Variants in TAFA1 observed in about 807,000 individuals in gnomAD.
TAFA1 encodes TAFA chemokine like family member 1, also known as chemokine-like protein TAFA-1.
In TAFA1, 4 loss-of-function variants were observed where a neutral mutation model predicts 18.5. That is an observed-to-expected ratio of 0.22 (90% CI 0.11 to 0.49). TAFA1 has a LOEUF of 0.49. Among genes scored for constraint, TAFA1 ranks in the 20% least tolerant of loss-of-function variants. The pLI, the probability that TAFA1 is intolerant of heterozygous loss-of-function variation, is 0.98. For missense variants in TAFA1, 147 were observed against 169.0 expected (o/e 0.87, Z 0.72); for synonymous variants, 56 against 55.2 (o/e 1.01, Z -0.06).
intron 3 of TAFA1, among the ~76,000 whole-genome samples, chr3:68,459,085 C>T (rs1170786921): frequency 2.0e-5 from 3 of 152,132 alleles, no homozygotes; most frequent in African/African-American, 7.2e-5. Flanking sequence ...GGCAAAGAAG[C>T]AGCCATTCTA....
chr3:68,131,468 C>T (rs2065536387), intron 2 of TAFA1, among the ~76,000 whole-genome samples: 2 of 152,166 alleles, frequency 1.3e-5, no homozygotes, highest in African/African-American at 2.4e-5. Flanking sequence ...CTTCCTGCAT[C>T]CTTATTTTTA....
intron 2 of TAFA1, among the ~76,000 whole-genome samples, chr3:68,249,820 T>G (rs749317595): frequency 6.6e-6 from 1 of 152,168 alleles, no homozygotes; most frequent in Non-Finnish European, 1.5e-5. Flanking sequence ...TATGAAGCCC[T>G]GACAAGGAGA....
At chr3:68,188,472 A>G (rs1303434725) in intron 2 of TAFA1, among the ~76,000 whole-genome samples, 7 of 146,324 alleles carry the variant, frequency 4.8e-5, no homozygotes, top group Non-Finnish European at 1.0e-4. Context: ...TCTCTAAATT[A>G]TATATATATG....
At chr3:68,109,346 T>C (rs1402578905) in intron 2 of TAFA1, among the ~76,000 whole-genome samples, 1 of 152,148 alleles carries the variant, frequency 6.6e-6, no homozygotes, top group Non-Finnish European at 1.5e-5. Context: ...GGCATCATTG[T>C]GCGACATACT....
intron 3 of TAFA1, among the ~76,000 whole-genome samples, chr3:68,492,084 TA>T (rs1345357452): frequency 6.6e-6 from 1 of 152,218 alleles, no homozygotes; most frequent in East Asian, 1.9e-4. Context: ...GATCAGTACA[TA>T]AAAAATTAAA....
At chr3:68,261,306 C>T (rs2067416232) in intron 2 of TAFA1, among the ~76,000 whole-genome samples, 1 of 152,126 alleles carries the variant, frequency 6.6e-6, no homozygotes, top group Non-Finnish European at 1.5e-5. Flanking sequence ...AACACTTTGA[C>T]ACTGTTGGTG....
intron 2 of TAFA1, among the ~76,000 whole-genome samples, chr3:68,181,390 A>C (rs923216717): frequency 2.0e-5 from 3 of 152,136 alleles, no homozygotes; most frequent in African/African-American, 4.8e-5. Flanking sequence ...AAAAAAAAAA[A>C]AAAAACTTCC....
intron 3 of TAFA1, among the ~76,000 whole-genome samples, chr3:68,475,302 C>T (rs2072070077): frequency 6.6e-6 from 1 of 151,896 alleles, no homozygotes; most frequent in African/African-American, 2.4e-5. Context: ...AATGCTATCC[C>T]TCCCCCATCC....
chr3:68,079,141 T>A (rs1416529442), intron 2 of TAFA1, among the ~76,000 whole-genome samples: 1 of 152,228 alleles, frequency 6.6e-6, no homozygotes, highest in Non-Finnish European at 1.5e-5. Flanking sequence ...TGTATTTCTG[T>A]GGGATTGGTG....
At chr3:68,496,987 A>AG (rs2072560612) in intron 3 of TAFA1, among the ~76,000 whole-genome samples, 1 of 152,166 alleles carries the variant, frequency 6.6e-6, no homozygotes, top group South Asian at 2.1e-4. Context: ...GTAGAGAGAG[A>AG]GAGACCTTTG....
chr3:68,520,539 A>G (rs921846686), intron 3 of TAFA1, among the ~76,000 whole-genome samples: 2 of 152,214 alleles, frequency 1.3e-5, no homozygotes, highest in African/African-American at 4.8e-5. Context: ...GTTGAGTAAA[A>G]TTGAATTTGG....
At chr3:68,227,758 T>C (rs921126315) in intron 2 of TAFA1, among the ~76,000 whole-genome samples, 16 of 152,232 alleles carry the variant, frequency 1.1e-4, no homozygotes, top group African/African-American at 3.9e-4. Flanking sequence ...CTTGAATCCG[T>C]GGTGAATTCC....
At chr3:68,504,320 A>G (rs962472340) in intron 3 of TAFA1, among the ~76,000 whole-genome samples, 13 of 152,212 alleles carry the variant, frequency 8.5e-5, no homozygotes, top group Admixed American at 3.3e-4. Context: ...CTTAGCTGCC[A>G]TCCTAACATG....
At chr3:68,241,727 T>G (rs1353670135) in intron 2 of TAFA1, among the ~76,000 whole-genome samples, 5 of 152,120 alleles carry the variant, frequency 3.3e-5, no homozygotes, top group Non-Finnish European at 5.9e-5. Context: ...TGGCTATGAA[T>G]GGGCAGAGGA....
At chr3:68,405,373 C>A (rs775181543) in intron 2 of TAFA1, among the ~76,000 whole-genome samples, 1 of 151,844 alleles carries the variant, frequency 6.6e-6, no homozygotes, top group Non-Finnish European at 1.5e-5. Flanking sequence ...TCAGGCCAGG[C>A]ACAGTGGCTC....
chr3:68,280,544 C>A (rs765688509), intron 2 of TAFA1, among the ~76,000 whole-genome samples: 1 of 151,926 alleles, frequency 6.6e-6, no homozygotes, highest in East Asian at 1.9e-4. Flanking sequence ...TATAAACCAG[C>A]GGCTTCACAT....
intron 2 of TAFA1, among the ~76,000 whole-genome samples, chr3:68,119,239 T>C (rs1355512368): frequency 1.3e-5 from 2 of 152,186 alleles, no homozygotes; most frequent in East Asian, 3.8e-4. Flanking sequence ...GTTTTGTTGT[T>C]GCTGTTGTTG....
chr3:68,430,083 G>C (rs1334801579), intron 3 of TAFA1, among the ~76,000 whole-genome samples: 1 of 151,880 alleles, frequency 6.6e-6, no homozygotes. Flanking sequence ...CAGCAGGAGA[G>C]ACAGACCATG....
At chr3:68,493,649 T>C (rs2072493646) in intron 3 of TAFA1, among the ~76,000 whole-genome samples, 2 of 152,230 alleles carry the variant, frequency 1.3e-5, no homozygotes, top group African/African-American at 4.8e-5. Context: ...ACACTTGTTA[T>C]TTATTTTTTA....
Sources: allele counts gnomAD v4.1 joint callset (sites outside exome capture counted in the v4.1 genomes callset), GRCh38; gene constraint gnomAD v4.1.1; transcripts MANE v1.5; gene names NCBI Gene and HGNC (gene_info 2026-07-23, HGNC 2026-07-21).